The following SNX3 variants were observed in gnomAD, a reference collection of about 807,000 sequenced individuals.
The protein encoded by SNX3 is sorting nexin-3.
A neutral mutation model predicts 17.7 loss-of-function variants in SNX3; 5 were observed. The observed-to-expected ratio is 0.28, with a 90% CI of 0.15 to 0.59. SNX3 has a LOEUF of 0.59. Among genes scored for constraint, SNX3 ranks in the 20% least tolerant of loss-of-function variants. The probability of loss-of-function intolerance (pLI) is 0.88; values close to 1 mark genes in which losing one functional copy is unlikely to be tolerated. For synonymous variants in SNX3, 91 were observed against 76.5 expected (o/e 1.19, Z -0.99); for missense variants, 132 against 206.8 (o/e 0.64, Z 2.22).
In SNX3 at chr6:108,253,116, A is replaced by C. The variant is rs142944298; in HGVS notation, c.162+7644T>G. The stretch of plus-strand genomic sequence containing the variant: ...ACTACTTTCTGGAAGGGGTGAGATA[A>C]GCATGATGATAAAGGTGAGCAGGAG... On this transcript the variant is annotated intron_variant, in intron 1 of 3. Transcript: ENST00000230085. 3.8e-3 allele frequency among the ~76,000 whole-genome samples: 578 copies of C among 152,352 alleles called. 6 individuals are homozygous for C. Among genetic ancestry groups the C allele is most frequent in the African/African-American group, 0.013 (555 of 41,576 alleles).
At chr6:108,249,121 T>C (rs975442704) in intron 1 of SNX3, among the ~76,000 whole-genome samples, 1 of 152,208 alleles carries the variant, frequency 6.6e-6, no homozygotes, top group Non-Finnish European at 1.5e-5. Context: ...CTCAGAAGAC[T>C]GAGGCAGATA....
At chr6:108,224,227 C>G (rs1291799135) in intron 1 of SNX3, among the ~76,000 whole-genome samples, 1 of 152,152 alleles carries the variant, frequency 6.6e-6, no homozygotes, top group African/African-American at 2.4e-5. Context: ...CCTTGGCCTC[C>G]CGGGTAGCTG....
At chr6:108,233,540 G>A (rs1358491474) in intron 1 of SNX3, among the ~76,000 whole-genome samples, 1 of 152,184 alleles carries the variant, frequency 6.6e-6, no homozygotes, top group Admixed American at 6.5e-5. Flanking sequence ...TGCTGCCCTA[G>A]GAGTTCGAGA....
At chr6:108,250,318 G>T (rs1309800787) in intron 1 of SNX3, among the ~76,000 whole-genome samples, 1 of 152,204 alleles carries the variant, frequency 6.6e-6, no homozygotes, top group Non-Finnish European at 1.5e-5. Context: ...TAAAGGGCAA[G>T]ATAGTAAACA....
chr6:108,227,523 GA>G (rs1243717495), intron 1 of SNX3, among the ~76,000 whole-genome samples: 1 of 152,184 alleles, frequency 6.6e-6, no homozygotes. Context: ...GGGGAGGGGT[GA>G]GGGGGAAAAG....
At chr6:108,260,688 A>G in intron 1 of SNX3, 72 bp downstream of exon 1, 1 of 1,566,092 alleles carries the variant, frequency 6.4e-7, no homozygotes, top group Non-Finnish European at 8.7e-7. Context: ...GCGGGGGTCC[A>G]CTCCCGGGTC....
intron 1 of SNX3, among the ~76,000 whole-genome samples, chr6:108,257,942 G>A (rs926246517): frequency 6.6e-5 from 10 of 151,794 alleles, no homozygotes; most frequent in Non-Finnish European, 1.5e-4. Context: ...CCAGCCTGGC[G>A]ACAGAGCAAG....
chr6:108,239,804 ATT>A (rs1267374157), intron 1 of SNX3, among the ~76,000 whole-genome samples: 10 of 152,262 alleles, frequency 6.6e-5, no homozygotes, highest in African/African-American at 2.2e-4. Context: ...CTAAATGAGC[ATT>A]TAATGAATAT....
At chr6:108,254,891 A>C (rs1775985825) in intron 1 of SNX3, among the ~76,000 whole-genome samples, 1 of 152,236 alleles carries the variant, frequency 6.6e-6, no homozygotes, top group Non-Finnish European at 1.5e-5. Flanking sequence ...GCCTGGATAC[A>C]AAAGAACTCA....
At chr6:108,232,825 G>A (rs947405042) in intron 1 of SNX3, among the ~76,000 whole-genome samples, 3 of 152,170 alleles carry the variant, frequency 2.0e-5, no homozygotes, top group African/African-American at 7.2e-5. Context: ...TCACCCTTCA[G>A]TACTTTTGAT....
At chr6:108,221,545 T>C (rs1398047503) in intron 2 of SNX3, among the ~76,000 whole-genome samples, 3 of 125,336 alleles carry the variant, frequency 2.4e-5, no homozygotes, top group Non-Finnish European at 3.5e-5. Context: ...TTTTTTTTTT[T>C]TTTTTTTTTT....
rs867508486 is a variant in SNX3, at chr6:108,236,349, A to T, written c.163-13304T>A. On this transcript the variant is annotated intron_variant, in intron 1 of 3. Coordinates refer to ENST00000230085, the MANE Select transcript of SNX3 (RefSeq NM_003795.6). ...ACCTCTCTTTATATATATATATATA[A>T]AACAGTTTCCACCTATATTATTATT... Among the ~76,000 whole-genome samples, 53 of 149,192 alleles carry T rather than the reference A, an allele frequency of 3.6e-4. No individual in the cohort carries two copies. The Middle Eastern group carries it at 0.014, about 39-fold the overall frequency.
chr6:108,224,764 C>G (rs1429571173), intron 1 of SNX3, among the ~76,000 whole-genome samples: 1 of 152,128 alleles, frequency 6.6e-6, no homozygotes, highest in African/African-American at 2.4e-5. Context: ...AAATCGTACT[C>G]AGTAGACCAA....
chr6:108,218,456 A>G (rs1008566044), intron 2 of SNX3, among the ~76,000 whole-genome samples: 1 of 152,212 alleles, frequency 6.6e-6, no homozygotes, highest in Non-Finnish European at 1.5e-5. Flanking sequence ...CTGCTTTGGA[A>G]AAACGGTCTG....
intron 1 of SNX3, among the ~76,000 whole-genome samples, chr6:108,234,541 G>C (rs1582488605): frequency 6.6e-6 from 1 of 151,970 alleles, no homozygotes. Context: ...ACAGAGTGAG[G>C]CTCTGTCTCA....
chr6:108,230,814 T>C (rs1775122446), intron 1 of SNX3, among the ~76,000 whole-genome samples: 1 of 152,202 alleles, frequency 6.6e-6, no homozygotes, highest in Non-Finnish European at 1.5e-5. Context: ...GAACTGTAAT[T>C]ACCTGCATCT....
rs763542892 is a variant in SNX3 at position 108,236,803 on chromosome 6, CAT to C, written c.163-13760_163-13759del. ...TTTAATAAGTCTAAATTCTCTAACACATGAGTGATACATATATTAATAAACTC... is the reference window on the plus strand; with the variant it reads ...TTTAATAAGTCTAAATTCTCTAACACGAGTGATACATATATTAATAAACTC... On this transcript the variant is annotated intron_variant, in intron 1 of 3. Transcript: ENST00000230085. Among the ~76,000 whole-genome samples, 12 of 152,302 alleles carry C rather than the reference CAT, an allele frequency of 7.9e-5. No homozygotes were observed. The East Asian group carries it at 1.5e-3, about 20-fold the overall frequency.
Position 108,226,480 on chromosome 6 carries a change from A to G in SNX3, c.163-3435T>C, listed in dbSNP as rs540135349. Among the ~76,000 whole-genome samples, 48 of 152,338 alleles carry G rather than the reference A, an allele frequency of 3.2e-4. 1 individual carries two copies. The highest frequency in any genetic ancestry group is 1.1e-3 in the African/African-American group (46 of 41,568). ...TACCAAAAATACTACTCAACACTAT[A>G]TATTCTCTTAGATTATATTCTGTCC... On this transcript the variant is annotated intron_variant, in intron 1 of 3. Transcript: ENST00000230085.
chr6:108,222,746 C>A (rs1774836315), intron 2 of SNX3, among the ~76,000 whole-genome samples: 1 of 152,030 alleles, frequency 6.6e-6, no homozygotes, highest in African/African-American at 2.4e-5. Context: ...CAGCAAAGAC[C>A]TCAACTGGGC....
Sources: gnomAD v4.1 joint callset for allele counts (sites outside exome capture counted in the v4.1 genomes callset) on GRCh38, gnomAD v4.1.1 for gene constraint, MANE v1.5 for transcripts, NCBI Gene and HGNC (gene_info 2026-07-23, HGNC 2026-07-21) for gene names.